ATL3: variants seen among roughly 807,000 people sequenced by gnomAD.
The protein encoded by ATL3 is atlastin GTPase 3.
A neutral mutation model predicts 69.5 loss-of-function variants in ATL3; 49 were observed. The ratio of observed to expected loss-of-function variants is 0.71; its 90% CI spans 0.56 to 0.89. ATL3 has a LOEUF of 0.89. Among genes scored for constraint, ATL3 ranks in the 40% least tolerant of loss-of-function variants. The pLI, the probability that ATL3 is intolerant of heterozygous loss-of-function variation, is 0.00. For synonymous variants in ATL3, 214 were observed against 224.1 expected (o/e 0.95, Z 0.40); for missense variants, 606 against 645.7 (o/e 0.94, Z 0.67).
At chr11:63,632,823 AAAC>A in intron 11 of ATL3, 200 bp downstream of exon 11, 1 of 733,008 alleles carries the variant, frequency 1.4e-6, no homozygotes, top group Admixed American at 2.8e-5. Context: ...TTGCTATTCA[AAAC>A]AAAACAAAAC....
chr11:63,652,239 A>G (rs756193857), intron 4 of ATL3, among the ~76,000 whole-genome samples: 18 of 152,206 alleles, frequency 1.2e-4, no homozygotes, highest in Non-Finnish European at 2.4e-4. Flanking sequence ...TGATATAATA[A>G]ATTTCCATTT....
chr11:63,637,200 C>T (rs574326005), intron 8 of ATL3, among the ~76,000 whole-genome samples: 4 of 151,262 alleles, frequency 2.6e-5, no homozygotes, highest in Admixed American at 6.6e-5. Flanking sequence ...AGCTTGAACC[C>T]GGAAGGCAGA....
At chr11:63,669,340 G>C (rs1267487001) in intron 1 of ATL3, among the ~76,000 whole-genome samples, 1 of 151,922 alleles carries the variant, frequency 6.6e-6, no homozygotes, top group Non-Finnish European at 1.5e-5. Context: ...TTCAAGATCA[G>C]CCTGGCAAAC....
rs754663924 is a variant in ATL3, at chr11:63,631,270, C to T, written c.1309G>A (p.Val437Ile). The T allele has an allele frequency of 5.6e-6, 9 of 1,614,076 alleles. No individual in the cohort carries two copies. In the East Asian group the frequency reaches 6.7e-5, roughly 12 times the overall value. Residue 437 changes from valine (V) to isoleucine (I), a missense_variant, in exon 12 of 13, where the codon GTC (valine) becomes ATC (isoleucine). Val to Ile is a conservative substitution (Grantham distance 29). Transcript: ENST00000398868. ...NFCKHNGSKNVFSTFRTPAVL... is the reference protein window; with the variant it reads ...NFCKHNGSKNIFSTFRTPAVL... ...GCAGGGGTTCGGAAGGTGCTGAAGA[C>T]GTTCTTGCTACCATTGTGCTTGCAG...
intron 1 of ATL3, 127 bp from the exon 2 acceptor site, chr11:63,659,379 C>A: frequency 1.4e-6 from 1 of 736,950 alleles, no homozygotes; most frequent in Non-Finnish European, 2.2e-6. Flanking sequence ...ATAATCACAG[C>A]ACTTTGGGAA....
Position 63,628,074 on chromosome 11 carries a change from T to C in ATL3, c.*1245A>G, listed in dbSNP as rs932286355. The C allele has an allele frequency of 6.6e-6, 1 of 152,164 alleles. No homozygotes were observed. Among genetic ancestry groups the C allele is most frequent in the African/African-American group, 2.4e-5 (1 of 41,446 alleles). 9.4% of individuals were successfully genotyped at this position (152,164 alleles called of 1,614,324 possible). ...CTAATCCTTAATAAAGTTCTGTTCT[T>C]ATGCAGAACTCTCAAAAACAAAACC... On this transcript the variant is annotated 3_prime_UTR_variant, in exon 13 of 13. Transcript: ENST00000398868.
intron 3 of ATL3, among the ~76,000 whole-genome samples, chr11:63,657,952 G>T (rs1157875620): frequency 1.3e-5 from 2 of 151,814 alleles, no homozygotes; most frequent in Middle Eastern, 6.3e-3. Context: ...TGCCTCCCGG[G>T]TTCAAGCGTT....
At chr11:63,663,122 CT>C (rs770860366) in intron 1 of ATL3, among the ~76,000 whole-genome samples, 255 of 144,986 alleles carry the variant, frequency 1.8e-3, no homozygotes, top group Middle Eastern at 7.1e-3. Context: ...GTTCTTCGCA[CT>C]TTTTTTTTTT....
chr11:63,629,574 G>A (rs576716053), intron 12 of ATL3, among the ~76,000 whole-genome samples, 169 bp from the exon 13 acceptor site: 1 of 152,344 alleles, frequency 6.6e-6, no homozygotes, highest in South Asian at 2.1e-4. Context: ...TAACTCCCAA[G>A]AGAGCCAGGG....
intron 1 of ATL3, among the ~76,000 whole-genome samples, chr11:63,669,645 A>T (rs1940711381): frequency 6.6e-6 from 1 of 152,104 alleles, no homozygotes; most frequent in African/African-American, 2.4e-5. Context: ...AGTAAACTGT[A>T]GCTAATACAA....
chr11:63,645,825 T>C (rs1453084470), intron 6 of ATL3, among the ~76,000 whole-genome samples: 1 of 151,978 alleles, frequency 6.6e-6, no homozygotes, highest in Non-Finnish European at 1.5e-5. Flanking sequence ...TGGAGTATAG[T>C]GGCATGACCT....
In ATL3 at chr11:63,651,931, T is replaced by C. The variant is rs762198713; in HGVS notation, c.561+5A>G. 12 of 1,591,374 alleles carry C rather than the reference T, an allele frequency of 7.5e-6. No individual in the cohort carries two copies. The highest frequency in any genetic ancestry group is 1.2e-5 in the South Asian group (1 of 85,798). The stretch of plus-strand genomic sequence containing the variant: ...GATGTTAAAATTGTTATGAGAAATA[T>C]ATACCTGCAGCTGTTGAAGATCATC... On this transcript the variant is annotated splice_donor_5th_base_variant and intron_variant, in intron 5 of 12. Transcript: ENST00000398868.
chr11:63,647,271 G>A (rs989475720), intron 5 of ATL3, among the ~76,000 whole-genome samples: 4 of 152,082 alleles, frequency 2.6e-5, no homozygotes, highest in East Asian at 1.9e-4. Context: ...GTGGCTCATC[G>A]CAACCTCCGC....
intron 3 of ATL3, among the ~76,000 whole-genome samples, chr11:63,657,514 G>A (rs771936030): frequency 1.3e-5 from 2 of 152,192 alleles, no homozygotes; most frequent in Non-Finnish European, 2.9e-5. Flanking sequence ...CCATACAGGA[G>A]TAAGGAAGTA....
Position 63,652,001 on chromosome 11 carries a change from T to C in ATL3, c.511-15A>G, listed in dbSNP as rs752431263. On this transcript the variant is annotated splice_polypyrimidine_tract_variant and intron_variant, in intron 4 of 12. Coordinates refer to ENST00000398868, the MANE Select transcript of ATL3 (RefSeq NM_015459.5). ...AAATTATAAATCTAGAAAACAAAAA[T>C]CCAGATTGATACTACTCTGGCTTAC... 8 of 1,600,698 alleles carry C rather than the reference T, an allele frequency of 5.0e-6. No individual in the cohort carries two copies. Among genetic ancestry groups the C allele is most frequent in the Non-Finnish European group, 6.8e-6 (8 of 1,175,944 alleles).
chr11:63,651,513 A>C (rs2134506132), intron 5 of ATL3, among the ~76,000 whole-genome samples: 1 of 152,142 alleles, frequency 6.6e-6, no homozygotes, highest in Admixed American at 6.5e-5. Flanking sequence ...CACCTTCCCC[A>C]GAGGAAAAGA....
intron 9 of ATL3, among the ~76,000 whole-genome samples, chr11:63,635,935 C>G: frequency 6.7e-6 from 1 of 148,196 alleles, no homozygotes; most frequent in East Asian, 2.0e-4. Flanking sequence ...CTAACCACCT[C>G]CTGTCCACAC....
chr11:63,656,867 T>C (rs1280708189), intron 3 of ATL3, among the ~76,000 whole-genome samples: 1 of 152,086 alleles, frequency 6.6e-6, no homozygotes, highest in East Asian at 1.9e-4. Flanking sequence ...TAAAGATTTT[T>C]CAGATGTATG....
chr11:63,646,574 G>A lies in ATL3; in HGVS notation c.562-11C>T, dbSNP rs1939888427. The A allele has an allele frequency of 6.3e-7, 1 of 1,591,630 alleles. No homozygotes were observed. Among genetic ancestry groups the A allele is most frequent in the African/African-American group, 1.4e-5 (1 of 73,494 alleles). ...GTATTCTGTGAAGAGCTTTAAAAAA[G>A]AAGCATTATGGTTTGTAAAGCAAAA... On this transcript the variant is annotated splice_polypyrimidine_tract_variant and intron_variant, in intron 5 of 12. Coordinates refer to ENST00000398868, the MANE Select transcript of ATL3 (RefSeq NM_015459.5).
Sources: allele counts gnomAD v4.1 joint callset (sites outside exome capture counted in the v4.1 genomes callset), GRCh38; gene constraint gnomAD v4.1.1; transcripts MANE v1.5; gene names NCBI Gene and HGNC (gene_info 2026-07-23, HGNC 2026-07-21).